Variants in ELAVL1 observed in about 807,000 individuals in gnomAD.
The protein encoded by ELAVL1 is ELAV like RNA binding protein 1.
A neutral mutation model predicts 28.4 loss-of-function variants in ELAVL1; 1 was observed. That is an observed-to-expected ratio of 0.04 (90% confidence interval 0.01 to 0.17). The LOEUF (loss-of-function observed/expected upper bound fraction) is 0.17, where lower values mean the gene tolerates loss of function less well. Ranked by LOEUF, ELAVL1 falls within the 10% of genes least tolerant of loss-of-function variation. ELAVL1 has a pLI of 1.00. For synonymous variants in ELAVL1, 174 were observed against 183.5 expected (o/e 0.95, Z 0.42); for missense variants, 157 against 447.2 (o/e 0.35, Z 5.85).
At chr19:7,971,171 G>A (rs1286116131) in intron 4 of ELAVL1, among the ~76,000 whole-genome samples, 1 of 152,254 alleles carries the variant, frequency 6.6e-6, no homozygotes, top group Non-Finnish European at 1.5e-5. Flanking sequence ...ATCTTGCAGA[G>A]GGAAAGGAAG....
chr19:7,985,743 T>C (rs773250865), intron 2 of ELAVL1, among the ~76,000 whole-genome samples: 3 of 152,116 alleles, frequency 2.0e-5, no homozygotes, highest in African/African-American at 4.8e-5. Context: ...GGAAGGAGAC[T>C]GGCAGGGAGG....
chr19:8,003,739 C>A (rs1226607103), intron 1 of ELAVL1, among the ~76,000 whole-genome samples: 1 of 151,460 alleles, frequency 6.6e-6, no homozygotes, highest in African/African-American at 2.4e-5. Context: ...AGACTCAACA[C>A]ATCCAGACTG....
At position 7,963,824 on chromosome 19, in the gene ELAVL1, A is replaced by G; in HGVS notation, c.657-17T>C. 6.2e-7 allele frequency: 1 copy of G among 1,610,412 alleles called. No individual in the cohort carries two copies. The highest frequency in any genetic ancestry group is 8.5e-7 in the Non-Finnish European group (1 of 1,177,404). On this transcript the variant is annotated splice_polypyrimidine_tract_variant and intron_variant, in intron 5 of 5. Transcript: ENST00000407627. This position sits in a 1 kb window ranked among gnomAD's most constrained non-coding sequence, Gnocchi z 4.5. Reference sequence around the variant, plus strand: ...GGGGAGAACCTGGCAGACAGAGAGCAAGCGTCAGGCCACGGTCAGCGCAGG... The same window carrying G: ...GGGGAGAACCTGGCAGACAGAGAGCGAGCGTCAGGCCACGGTCAGCGCAGG...
chr19:7,984,607 C>T (rs1187616140), intron 2 of ELAVL1, among the ~76,000 whole-genome samples: 1 of 152,184 alleles, frequency 6.6e-6, no homozygotes, highest in Non-Finnish European at 1.5e-5. Flanking sequence ...GAATGCCCCA[C>T]CCAGAGGACA....
chr19:7,995,781 G>A (rs1261729230), intron 1 of ELAVL1, among the ~76,000 whole-genome samples: 1 of 134,528 alleles, frequency 7.4e-6, no homozygotes, highest in East Asian at 2.0e-4. Context: ...AGCCCACTTC[G>A]TTAAAAAAAA....
At chr19:7,992,462 G>C (rs2145223518) in intron 1 of ELAVL1, among the ~76,000 whole-genome samples, 1 of 152,282 alleles carries the variant, frequency 6.6e-6, no homozygotes, top group Middle Eastern at 3.4e-3. Context: ...AGCTAGGAAA[G>C]ACATTTAAAG....
chr19:7,986,995 A>G (rs1599675063), intron 2 of ELAVL1, among the ~76,000 whole-genome samples: 1 of 152,012 alleles, frequency 6.6e-6, no homozygotes, highest in East Asian at 1.9e-4. Context: ...GTGAGGAGCA[A>G]ACATGACTCA....
intron 2 of ELAVL1, among the ~76,000 whole-genome samples, chr19:7,989,419 A>G (rs776306498): frequency 6.8e-4 from 103 of 152,238 alleles, no homozygotes; most frequent in Non-Finnish European, 1.3e-3. Context: ...TCCAAATTAC[A>G]CTTTTGCAGC....
intron 5 of ELAVL1, among the ~76,000 whole-genome samples, chr19:7,965,371 C>T (rs562630041): frequency 7.2e-5 from 11 of 152,320 alleles, no homozygotes; most frequent in African/African-American, 2.4e-4. Flanking sequence ...TCAATGCGCC[C>T]GGCCTTCTTA....
At chr19:7,993,713 C>A (rs1360399246) in intron 1 of ELAVL1, among the ~76,000 whole-genome samples, 1 of 152,102 alleles carries the variant, frequency 6.6e-6, no homozygotes, top group East Asian at 1.9e-4. Context: ...GGCCACCCGC[C>A]TGGAGGTCTC....
intron 1 of ELAVL1, among the ~76,000 whole-genome samples, chr19:8,004,435 G>A (rs756666341): frequency 2.2e-4 from 34 of 152,168 alleles, no homozygotes; most frequent in Admixed American, 9.8e-4. Flanking sequence ...CCCCTCCCCC[G>A]CAACCCGAGC....
At chr19:7,965,025 C>A (rs1281886325) in intron 5 of ELAVL1, among the ~76,000 whole-genome samples, 1 of 152,246 alleles carries the variant, frequency 6.6e-6, no homozygotes, top group East Asian at 1.9e-4. Flanking sequence ...CGCTGTTAAA[C>A]AGATTCACCC....
At chr19:7,991,138 T>C (rs1402690089) in intron 2 of ELAVL1, among the ~76,000 whole-genome samples, 1 of 152,198 alleles carries the variant, frequency 6.6e-6, no homozygotes, top group African/African-American at 2.4e-5. Flanking sequence ...GTTGATGGTG[T>C]TGACAGTAGA....
chr19:7,991,559 A>T, intron 2 of ELAVL1, 85 bp downstream of exon 2: 1 of 1,380,036 alleles, frequency 7.2e-7, no homozygotes, highest in Non-Finnish European at 1.0e-6. Flanking sequence ...GCACTGAGGA[A>T]TGCCACAGAG....
chr19:7,984,474 C>T (rs552396295), intron 2 of ELAVL1, among the ~76,000 whole-genome samples: 18 of 152,300 alleles, frequency 1.2e-4, no homozygotes, highest in African/African-American at 4.3e-4. Context: ...TAGAGGTGGC[C>T]CGTGTGGCAA....
intron 1 of ELAVL1, among the ~76,000 whole-genome samples, chr19:7,993,067 CTTCT>C (rs749355995): frequency 2.6e-5 from 4 of 152,192 alleles, no homozygotes; most frequent in Admixed American, 6.5e-5. Flanking sequence ...CTGTGTCCGG[CTTCT>C]TTCTATTTAA....
chr19:8,004,534 C>G (rs1210043409), intron 1 of ELAVL1, among the ~76,000 whole-genome samples: 1 of 152,142 alleles, frequency 6.6e-6, no homozygotes, highest in African/African-American at 2.4e-5. Context: ...GCCAGGAATA[C>G]GGCTCAACTT....
At chr19:7,998,304 C>T (rs780584530) in intron 1 of ELAVL1, among the ~76,000 whole-genome samples, 1 of 152,216 alleles carries the variant, frequency 6.6e-6, no homozygotes, top group Admixed American at 6.5e-5. Context: ...TTCTGTCTCT[C>T]GAGGTGCAAG....
intron 1 of ELAVL1, among the ~76,000 whole-genome samples, chr19:7,992,758 A>G (rs971440901): frequency 6.6e-6 from 1 of 152,218 alleles, no homozygotes; most frequent in Admixed American, 6.5e-5. Flanking sequence ...GTTACTAATA[A>G]TGTGTCAATA....
Sources: allele counts gnomAD v4.1 joint callset (sites outside exome capture counted in the v4.1 genomes callset), GRCh38; gene constraint gnomAD v4.1.1; non-coding constraint Gnocchi (gnomAD v3.1); transcripts MANE v1.5; gene names NCBI Gene and HGNC (gene_info 2026-07-23, HGNC 2026-07-21).